The following LRRC9 variants were observed in gnomAD, a reference collection of about 807,000 sequenced individuals.
The protein encoded by LRRC9 is leucine-rich repeat-containing protein 9.
Under a neutral mutation model 63.2 loss-of-function variants are expected in LRRC9, and 122 were observed. The observed-to-expected ratio is 1.93, with a 90% CI of 1.67 to 2.24. LRRC9 has a LOEUF of 2.24. Ranked by LOEUF, LRRC9 falls within the 30% of genes most tolerant of loss-of-function variation. The pLI, the probability that LRRC9 is intolerant of heterozygous loss-of-function variation, is 0.00. For missense variants in LRRC9, 1,071 were observed against 627.7 expected (o/e 1.71, Z -7.55); for synonymous variants, 366 against 213.1 (o/e 1.72, Z -6.25).
chr14:60,001,746 A>G (rs1298413655), intron 19 of LRRC9, among the ~76,000 whole-genome samples: 1 of 152,164 alleles, frequency 6.6e-6, no homozygotes, highest in Non-Finnish European at 1.5e-5. Flanking sequence ...TTACAGTCTT[A>G]TAAATATTAT....
At chr14:60,028,137 G>C in intron 28 of LRRC9, 36 bp downstream of exon 28, 1 of 666,402 alleles carries the variant, frequency 1.5e-6, no homozygotes, top group South Asian at 1.7e-5. Flanking sequence ...GGATTTACAA[G>C]CTTTAGTTTC....
intron 8 of LRRC9, among the ~76,000 whole-genome samples, chr14:59,947,081 C>T (rs1380668486): frequency 6.7e-6 from 1 of 148,204 alleles, no homozygotes; most frequent in Non-Finnish European, 1.5e-5. Flanking sequence ...GGAATCGCCA[C>T]ACTGACTTCC....
At chr14:60,015,668 A>C (rs911228922) in intron 23 of LRRC9, among the ~76,000 whole-genome samples, 8 of 152,176 alleles carry the variant, frequency 5.3e-5, no homozygotes, top group Non-Finnish European at 2.9e-5. Flanking sequence ...AGAGACAAGA[A>C]TACCTAATTG....
At chr14:60,000,788 T>C (rs1239421389) in intron 19 of LRRC9, among the ~76,000 whole-genome samples, 1 of 152,092 alleles carries the variant, frequency 6.6e-6, no homozygotes, top group Non-Finnish European at 1.5e-5. Flanking sequence ...TTAATATATC[T>C]TTTTTCAAAG....
chr14:59,959,951 A>G, exon 9 of LRRC9: 1 of 698,624 alleles, frequency 1.4e-6, no homozygotes, highest in Non-Finnish European at 2.6e-6. Flanking sequence ...CTTCAACAGA[A>G]GATATTGGCC....
chr14:59,966,461 T>C lies in LRRC9; in HGVS notation c.1212-128T>C, dbSNP rs1884868862. On this transcript the variant is annotated intron_variant, in intron 10 of 31. Coordinates refer to ENST00000445360, the Ensembl canonical transcript of LRRC9. The surrounding 1 kb of genome is among the most constrained non-coding windows in gnomAD (Gnocchi z 4.0). Reference sequence around the variant, plus strand: ...ATAAATAAACGGAGCCACTATATGATTACTGTATCTTTAGCAAAAGACACA... The same window carrying C: ...ATAAATAAACGGAGCCACTATATGACTACTGTATCTTTAGCAAAAGACACA... 3 of 454,008 alleles carry C rather than the reference T, an allele frequency of 6.6e-6. No individual in the cohort carries two copies. The highest frequency in any genetic ancestry group is 1.2e-4 in the South Asian group (2 of 16,764). 28.1% of individuals were successfully genotyped at this position (454,008 alleles called of 1,614,324 possible).
Position 59,966,088 on chromosome 14 carries a change from T to C in LRRC9, c.1212-501T>C, listed in dbSNP as rs1566823507. 6.6e-6 allele frequency among the ~76,000 whole-genome samples: 1 copy of C among 151,928 alleles called. No homozygotes were observed. Among genetic ancestry groups the C allele is most frequent in the Non-Finnish European group, 1.5e-5 (1 of 68,010 alleles). On this transcript the variant is annotated intron_variant, in intron 10 of 31. Coordinates refer to ENST00000445360, the Ensembl canonical transcript of LRRC9. The surrounding 1 kb of genome is among the most constrained non-coding windows in gnomAD (Gnocchi z 4.0). ...CACCTGTTTAACATGCAGATGGACATACCAAGTAGGTAGTTGGATATTCAA... is the reference window on the plus strand; with the variant it reads ...CACCTGTTTAACATGCAGATGGACACACCAAGTAGGTAGTTGGATATTCAA...
chr14:59,975,057 A>C lies in LRRC9; in HGVS notation c.1639+349A>C, dbSNP rs1885991612. Reference sequence around the variant, plus strand: ...AGCATATATATATATATATATGCTGAACTAAACTATGTGTGTGTGTGTGTG... The same window carrying C: ...AGCATATATATATATATATATGCTGCACTAAACTATGTGTGTGTGTGTGTG... On this transcript the variant is annotated intron_variant, in intron 13 of 31. Transcript: ENST00000445360. 4.4e-5 allele frequency among the ~76,000 whole-genome samples: 2 copies of C among 45,212 alleles called. 1 individual carries two copies. Among genetic ancestry groups the C allele is most frequent in the Non-Finnish European group, 1.5e-4 (2 of 12,914 alleles). 29.7% of individuals were successfully genotyped at this position (45,212 alleles called of 152,430 possible). A position where few individuals can be genotyped will look rare whatever the true frequency, so the allele number is the denominator to read the frequency against.
intron 29 of LRRC9, among the ~76,000 whole-genome samples, chr14:60,044,246 C>A (rs1893217350): frequency 6.6e-6 from 1 of 151,956 alleles, no homozygotes; most frequent in Non-Finnish European, 1.5e-5. Context: ...TTTGAAAAAG[C>A]AACTTTTTGT....
intron 17 of LRRC9, among the ~76,000 whole-genome samples, chr14:59,993,971 C>A (rs1293240892): frequency 2.0e-5 from 3 of 152,160 alleles, no homozygotes; most frequent in Non-Finnish European, 4.4e-5. Context: ...ACCTAATAGA[C>A]ATCTACAGAA....
chr14:60,062,864 T>C (rs775365273), intron 31 of LRRC9, among the ~76,000 whole-genome samples: 1 of 151,326 alleles, frequency 6.6e-6, no homozygotes, highest in South Asian at 2.1e-4. Flanking sequence ...CCTCCTGCTT[T>C]AATCAGCCAT....
intron 29 of LRRC9, among the ~76,000 whole-genome samples, chr14:60,047,913 C>T (rs1458097248): frequency 2.6e-5 from 4 of 152,064 alleles, no homozygotes; most frequent in Admixed American, 6.6e-5. Flanking sequence ...CCTCAGCAAA[C>T]GCAAAAGGAC....
Position 59,928,029 on chromosome 14 carries a change from A to G in LRRC9, c.48+38A>G, listed in dbSNP as rs1448172031. ...CAAATTTCTTTTAAATAACATTTGCAGTAATATAAAATGGAAAGTTTTTAT... is the reference window on the plus strand; with the variant it reads ...CAAATTTCTTTTAAATAACATTTGCGGTAATATAAAATGGAAAGTTTTTAT... On this transcript the variant is annotated intron_variant, in intron 2 of 31. Transcript: ENST00000445360. 4.5e-6 allele frequency: 3 copies of G among 668,502 alleles called. No homozygotes were observed. In the African/African-American group the frequency reaches 5.5e-5, roughly 12 times the overall value. 41.4% of individuals were successfully genotyped at this position (668,502 alleles called of 1,614,324 possible).
chr14:59,949,705 T>C (rs1882897330), intron 8 of LRRC9, among the ~76,000 whole-genome samples: 1 of 151,664 alleles, frequency 6.6e-6, no homozygotes, highest in Admixed American at 6.6e-5. Flanking sequence ...GTGTCTTTGT[T>C]CTCGTTGGTT....
intron 8 of LRRC9, among the ~76,000 whole-genome samples, chr14:59,949,637 TGC>T (rs1241156398): frequency 1.3e-5 from 2 of 151,398 alleles, no homozygotes; most frequent in South Asian, 2.1e-4. Context: ...GGGCATTTAG[TGC>T]TATAAATTTC....
chr14:60,036,887 G>C (rs535598460), intron 29 of LRRC9, among the ~76,000 whole-genome samples: 2 of 151,992 alleles, frequency 1.3e-5, no homozygotes, highest in South Asian at 4.1e-4. Flanking sequence ...TTTACATTAG[G>C]TATATCTCCT....
At chr14:59,948,035 T>A (rs1187336511) in intron 8 of LRRC9, among the ~76,000 whole-genome samples, 1 of 145,506 alleles carries the variant, frequency 6.9e-6, no homozygotes, top group Non-Finnish European at 1.5e-5. Flanking sequence ...TTTTTTCCAA[T>A]TCTGTGAAGA....
chr14:60,002,123 C>A, intron 20 of LRRC9, 23 bp downstream of exon 20: 1 of 683,270 alleles, frequency 1.5e-6, no homozygotes, highest in Admixed American at 2.2e-5. Flanking sequence ...TCTATTAAAC[C>A]TAATATAAAG....
chr14:59,932,021 C>A lies in LRRC9; in HGVS notation c.525C>A (p.Asn175Lys), dbSNP rs762819992. The A allele has an allele frequency of 2.6e-5, 18 of 699,462 alleles. No homozygotes were observed. In the South Asian group the frequency reaches 2.7e-4, roughly 10 times the overall value. 43.3% of individuals were successfully genotyped at this position (699,462 alleles called of 1,614,324 possible). The stretch of plus-strand genomic sequence containing the variant: ...TGGAAAGATTAAACCTTTCTGGTAA[C>A]CAAATATGTTCTTTCAAGGTATGTT... Residue 175 changes from asparagine (N) to lysine (K), a missense_variant, in exon 6 of 32, where the codon AAC becomes AAA. Asn to Lys is a moderately conservative substitution (Grantham distance 94, BLOSUM62 0). Coordinates refer to ENST00000445360, the Ensembl canonical transcript of LRRC9. The surrounding 1 kb of genome is among the most constrained non-coding windows in gnomAD (Gnocchi z 4.7).
Sources: gnomAD v4.1 joint callset for allele counts (sites outside exome capture counted in the v4.1 genomes callset) on GRCh38, gnomAD v4.1.1 for gene constraint, Gnocchi (gnomAD v3.1) non-coding constraint, MANE v1.5 for transcripts, NCBI Gene and HGNC (gene_info 2026-07-23, HGNC 2026-07-21) for gene names.